Variants in CACNA1C observed in about 807,000 individuals in gnomAD.
CACNA1C encodes calcium voltage-gated channel subunit alpha1 C.
In CACNA1C, 30 loss-of-function variants were observed where a neutral mutation model predicts 229.0. The observed-to-expected ratio is 0.13, with a 90% CI of 0.10 to 0.18. The LOEUF is 0.18. CACNA1C is among the 10% of genes least tolerant of loss of function. The probability of loss-of-function intolerance (pLI) is 1.00; values close to 1 mark genes in which losing one functional copy is unlikely to be tolerated. For synonymous variants in CACNA1C, 1,114 were observed against 1,132.5 expected (o/e 0.98, Z 0.33); for missense variants, 1,658 against 2,845.0 (o/e 0.58, Z 9.49).
chr12:2,059,056 C>G (rs541766526), intron 1 of CACNA1C, among the ~76,000 whole-genome samples: 3 of 152,148 alleles, frequency 2.0e-5, no homozygotes, highest in Admixed American at 6.5e-5. Context: ...TCTACTGCCC[C>G]CTTTCCCCTG....
At chr12:2,657,595 A>G (rs764722551) in intron 34 of CACNA1C, among the ~76,000 whole-genome samples, 12 of 152,198 alleles carry the variant, frequency 7.9e-5, no homozygotes, top group African/African-American at 1.4e-4. Context: ...AAACATGGAA[A>G]TTAGAATAAT....
At chr12:2,296,428 T>C (rs1460788621) in intron 3 of CACNA1C, among the ~76,000 whole-genome samples, 1 of 151,782 alleles carries the variant, frequency 6.6e-6, no homozygotes, top group Non-Finnish European at 1.5e-5. Context: ...TCTGGGGGAG[T>C]CCAAGATCAT....
Position 2,651,527 on chromosome 12 carries a change from C to T in CACNA1C, c.3946-113C>T. ...GAGGGGGAAGTCTAGTGCAGCAAAC[C>T]CTGGCCTGCCTTCCGCCACTGCCAC... On this transcript the variant is annotated intron_variant, in intron 31 of 46. Transcript: ENST00000399655. This position sits in a 1 kb window ranked among gnomAD's most constrained non-coding sequence, Gnocchi z 5.4. 1 of 1,541,924 alleles carries T rather than the reference C, an allele frequency of 6.5e-7. No homozygotes were observed. The highest frequency in any genetic ancestry group is 8.9e-7 in the Non-Finnish European group (1 of 1,118,942).
chr12:2,082,750 T>C (rs2066127533), intron 1 of CACNA1C, among the ~76,000 whole-genome samples: 1 of 152,164 alleles, frequency 6.6e-6, no homozygotes, highest in African/African-American at 2.4e-5. Flanking sequence ...CCTGTTCTAG[T>C]CACACACTGG....
At chr12:2,085,483 C>T (rs1302904969) in intron 1 of CACNA1C, among the ~76,000 whole-genome samples, 4 of 152,156 alleles carry the variant, frequency 2.6e-5, no homozygotes, top group African/African-American at 7.2e-5. Context: ...TTGGTGCCAC[C>T]AAGTTGGCCA....
chr12:2,297,347 CAGG>C (rs947345104), intron 3 of CACNA1C, among the ~76,000 whole-genome samples: 3 of 152,216 alleles, frequency 2.0e-5, no homozygotes, highest in Non-Finnish European at 4.4e-5. Context: ...CTGCCTGCAA[CAGG>C]AGAAGACTGA....
intron 3 of CACNA1C, among the ~76,000 whole-genome samples, chr12:2,182,231 G>A (rs2096864166): frequency 6.6e-6 from 1 of 151,856 alleles, no homozygotes; most frequent in Non-Finnish European, 1.5e-5. Flanking sequence ...AAAATTGTGT[G>A]AGCAAATCAG....
chr12:2,156,753 G>A (rs565568369), intron 3 of CACNA1C, among the ~76,000 whole-genome samples: 97 of 152,320 alleles, frequency 6.4e-4, no homozygotes, highest in African/African-American at 2.2e-3. Flanking sequence ...CTAAGCCATC[G>A]GGGATGAGGG....
At chr12:2,446,474 G>A (rs1427976888) in intron 3 of CACNA1C, among the ~76,000 whole-genome samples, 3 of 138,188 alleles carry the variant, frequency 2.2e-5, no homozygotes, top group Admixed American at 7.2e-5. Context: ...GTGGGTGGGT[G>A]GACTGACGGA....
intron 3 of CACNA1C, among the ~76,000 whole-genome samples, chr12:2,281,640 C>T (rs2091306218): frequency 1.3e-5 from 2 of 152,120 alleles, no homozygotes; most frequent in African/African-American, 4.8e-5. Flanking sequence ...TAATAAGAAA[C>T]CTGCTGTCCC....
intron 2 of CACNA1C, among the ~76,000 whole-genome samples, chr12:2,118,546 C>T (rs141928642): frequency 6.6e-6 from 1 of 152,332 alleles, no homozygotes; most frequent in Non-Finnish European, 1.5e-5. Flanking sequence ...CACAAGTTAA[C>T]GTCTGACCCT....
chr12:2,192,282 C>T (rs2097262639), intron 3 of CACNA1C, among the ~76,000 whole-genome samples: 1 of 152,220 alleles, frequency 6.6e-6, no homozygotes, highest in African/African-American at 2.4e-5. Context: ...ATTTCTTGCC[C>T]TTTCCACCTC....
At chr12:2,232,256 TGTTTGTTTGTTTG>T (rs2065604628) in intron 3 of CACNA1C, among the ~76,000 whole-genome samples, 1 of 147,630 alleles carries the variant, frequency 6.8e-6, no homozygotes, top group African/African-American at 2.5e-5. Flanking sequence ...TTTTTTTGTT[TGTTTGTTTGTTTG>T]TTTTTAATGA....
chr12:2,451,383 G>A (rs1029641748), intron 4 of CACNA1C, among the ~76,000 whole-genome samples: 1 of 152,242 alleles, frequency 6.6e-6, no homozygotes, highest in African/African-American at 2.4e-5. Context: ...TGGGAATGAT[G>A]AGAGCAGATG....
chr12:2,090,198 A>G (rs4489805), intron 1 of CACNA1C, among the ~76,000 whole-genome samples: 30,454 of 151,572 alleles, frequency 0.2, 3,744 homozygotes, highest in East Asian at 0.48. Flanking sequence ...GTCCTTTGTG[A>G]CTGGTTTATT....
rs758857733 is a variant in CACNA1C at position 2,535,704 on chromosome 12, TAAAAAAAAAAAA to T, written c.1391-14221_1391-14210del. 6.2e-3 allele frequency among the ~76,000 whole-genome samples: 227 copies of T among 36,564 alleles called. 2 individuals are homozygous for T. The highest frequency in any genetic ancestry group is 0.019 in the African/African-American group (214 of 11,352). 24.0% of individuals were successfully genotyped at this position (36,564 alleles called of 152,430 possible). Reference sequence around the variant, plus strand: ...CTGGGTGACAGAGCAAGACCCTGTCTAAAAAAAAAAAAAAAAAAAAAAAAAAAAACCTAAAAC... The same window carrying T: ...CTGGGTGACAGAGCAAGACCCTGTCTAAAAAAAAAAAAAAAAACCTAAAAC... On this transcript the variant is annotated intron_variant, in intron 9 of 46. Coordinates refer to ENST00000399655, the MANE Select transcript of CACNA1C (RefSeq NM_000719.7).
rs1037676675 is a variant in CACNA1C at position 2,275,603 on chromosome 12, G to A, written c.477+155173G>A. The stretch of plus-strand genomic sequence containing the variant: ...GGAGCCTGTGTCATGGAAGAGAGGT[G>A]GCCTGACCACTCTAAGCCCACAGCA... On this transcript the variant is annotated intron_variant, in intron 3 of 46. Coordinates refer to ENST00000399655, the MANE Select transcript of CACNA1C (RefSeq NM_000719.7). The surrounding 1 kb of genome is among the most constrained non-coding windows in gnomAD (Gnocchi z 4.1). Among the ~76,000 whole-genome samples the A allele has an allele frequency of 1.3e-4, 20 of 152,174 alleles. No homozygotes were observed. The highest frequency in any genetic ancestry group is 1.2e-3 in the Admixed American group (19 of 15,278).
chr12:2,162,851 C>T (rs1481415428), intron 3 of CACNA1C, among the ~76,000 whole-genome samples: 2 of 152,146 alleles, frequency 1.3e-5, no homozygotes, highest in African/African-American at 4.8e-5. Context: ...TTGTGAACCA[C>T]TCCATTGAGA....
intron 13 of CACNA1C, among the ~76,000 whole-genome samples, chr12:2,574,326 C>T (rs760048879): frequency 6.6e-6 from 1 of 152,184 alleles, no homozygotes; most frequent in South Asian, 2.1e-4. Flanking sequence ...TCTTTGTCAG[C>T]CCAGTCTGAC....
Sources: allele counts gnomAD v4.1 joint callset (sites outside exome capture counted in the v4.1 genomes callset), GRCh38; gene constraint gnomAD v4.1.1; non-coding constraint Gnocchi (gnomAD v3.1); transcripts MANE v1.5; gene names NCBI Gene and HGNC (gene_info 2026-07-23, HGNC 2026-07-21).